Variants in SAXO1 observed in about 807,000 individuals in gnomAD.
SAXO1 encodes stabilizer of axonemal microtubules 1.
Under a neutral mutation model 17.5 loss-of-function variants are expected in SAXO1, and 21 were observed. The observed-to-expected ratio is 1.20, with a 90% CI of 0.85 to 1.72. The LOEUF (loss-of-function observed/expected upper bound fraction) is 1.72, where lower values mean the gene tolerates loss of function less well. Among genes scored for constraint, SAXO1 ranks in the 40% most tolerant of loss-of-function variants. SAXO1 has a pLI of 0.00. For missense variants in SAXO1, 843 were observed against 596.0 expected, an observed-to-expected ratio of 1.41 and a Z score of -4.32; for synonymous variants, 274 against 216.5, an observed-to-expected ratio of 1.27 and a Z score of -2.33.
intron 1 of SAXO1, among the ~76,000 whole-genome samples, chr9:18,961,504 C>G (rs1021173914): frequency 5.3e-5 from 8 of 151,004 alleles, no homozygotes; most frequent in African/African-American, 1.9e-4. Flanking sequence ...CACCCCTCAA[C>G]AGACCCCAGT....
At chr9:19,008,123 T>C (rs1834564977) in intron 1 of SAXO1, among the ~76,000 whole-genome samples, 1 of 151,954 alleles carries the variant, frequency 6.6e-6, no homozygotes. Context: ...TACAGGTGCA[T>C]GCCATCACAC....
chr9:18,956,719 G>C (rs1832271994), intron 1 of SAXO1, among the ~76,000 whole-genome samples: 2 of 152,176 alleles, frequency 1.3e-5, no homozygotes, highest in Admixed American at 6.5e-5. Flanking sequence ...AATTAAATCA[G>C]GTACTGGAAT....
At chr9:18,973,700 T>G (rs1469822278) in intron 1 of SAXO1, among the ~76,000 whole-genome samples, 2 of 152,168 alleles carry the variant, frequency 1.3e-5, no homozygotes, top group African/African-American at 4.8e-5. Flanking sequence ...CTGATCCCTT[T>G]CCTCTGCAGA....
At chr9:18,997,020 C>A (rs533078517) in intron 1 of SAXO1, among the ~76,000 whole-genome samples, 4 of 152,248 alleles carry the variant, frequency 2.6e-5, no homozygotes, top group African/African-American at 9.6e-5. Context: ...CAGCTCCCAG[C>A]GAGACTGACG....
chr9:18,935,936 G>C (rs890249289), intron 3 of SAXO1, among the ~76,000 whole-genome samples: 5 of 152,138 alleles, frequency 3.3e-5, no homozygotes, highest in African/African-American at 1.2e-4. Context: ...GGTGGGGATG[G>C]GGTGATGGAA....
intron 1 of SAXO1, among the ~76,000 whole-genome samples, chr9:18,952,410 C>T (rs145658323): frequency 3.3e-5 from 5 of 152,300 alleles, no homozygotes; most frequent in African/African-American, 1.2e-4. Context: ...AGCTATTTTC[C>T]AGGCAACAGC....
intron 1 of SAXO1, among the ~76,000 whole-genome samples, chr9:18,960,477 CCT>C (rs1186680161): frequency 1.3e-5 from 2 of 152,122 alleles, no homozygotes; most frequent in Non-Finnish European, 2.9e-5. Flanking sequence ...TCCTGGACCC[CCT>C]GTCAGGTCCA....
chr9:19,023,536 G>A (rs1474386818), intron 1 of SAXO1, among the ~76,000 whole-genome samples: 1 of 152,096 alleles, frequency 6.6e-6, no homozygotes, highest in African/African-American at 2.4e-5. Flanking sequence ...AGAAAGGCTG[G>A]GATTTGAACC....
At chr9:18,940,447 A>G (rs947541544) in intron 3 of SAXO1, among the ~76,000 whole-genome samples, 14 of 152,236 alleles carry the variant, frequency 9.2e-5, no homozygotes, top group African/African-American at 2.9e-4. Context: ...TTCCTGGAAG[A>G]ATCAGAGAAA....
intron 1 of SAXO1, among the ~76,000 whole-genome samples, chr9:18,957,792 A>G (rs974768876): frequency 6.6e-6 from 1 of 152,188 alleles, no homozygotes; most frequent in Non-Finnish European, 1.5e-5. Context: ...AACAACCCCC[A>G]CAACCCAACT....
chr9:18,971,431 T>TC (rs148074652), intron 1 of SAXO1, among the ~76,000 whole-genome samples: 5,510 of 152,092 alleles, frequency 0.036, 326 homozygotes, highest in African/African-American at 0.12. Context: ...AGGAGCCAAA[T>TC]CCCCTATAAT....
At chr9:19,003,859 A>G (rs1005747836) in intron 1 of SAXO1, among the ~76,000 whole-genome samples, 30 of 152,366 alleles carry the variant, frequency 2.0e-4, no homozygotes, top group Non-Finnish European at 4.1e-4. Flanking sequence ...CTAAAACACC[A>G]AAAGCAATGG....
At chr9:18,993,133 G>C (rs1051114092) in intron 1 of SAXO1, among the ~76,000 whole-genome samples, 2 of 151,488 alleles carry the variant, frequency 1.3e-5, no homozygotes, top group African/African-American at 2.4e-5. Context: ...TTTAAGTTCT[G>C]GGATATATGT....
At chr9:19,039,553 G>C (rs1055507341) in intron 1 of SAXO1, among the ~76,000 whole-genome samples, 2 of 152,190 alleles carry the variant, frequency 1.3e-5, no homozygotes, top group East Asian at 3.8e-4. Context: ...CATGCTTAGA[G>C]AACTGATTTC....
intron 2 of SAXO1, among the ~76,000 whole-genome samples, chr9:18,945,212 C>T (rs894615584): frequency 9.2e-5 from 14 of 152,132 alleles, no homozygotes; most frequent in African/African-American, 3.4e-4. Context: ...CCTCATGTCC[C>T]ACCCATCAGA....
intron 1 of SAXO1, among the ~76,000 whole-genome samples, chr9:19,038,527 T>C (rs978310323): frequency 1.4e-5 from 2 of 145,764 alleles, no homozygotes; most frequent in Non-Finnish European, 3.0e-5. Context: ...AAACACCGCA[T>C]GTTCTCACTC....
chr9:19,003,654 T>G (rs1034857529), intron 1 of SAXO1, among the ~76,000 whole-genome samples: 3 of 152,202 alleles, frequency 2.0e-5, no homozygotes, highest in African/African-American at 7.2e-5. Context: ...AAAGATTCCC[T>G]ATTTAATAAA....
intron 2 of SAXO1, among the ~76,000 whole-genome samples, chr9:18,944,027 G>C (rs1259155343): frequency 6.6e-6 from 1 of 152,206 alleles, no homozygotes; most frequent in Non-Finnish European, 1.5e-5. Context: ...GCTTCTACCG[G>C]AAAAGAGCAG....
At chr9:18,995,320 T>C (rs568115842) in intron 1 of SAXO1, among the ~76,000 whole-genome samples, 41 of 152,218 alleles carry the variant, frequency 2.7e-4, no homozygotes, top group Middle Eastern at 3.2e-3. Flanking sequence ...CATCAGCCAG[T>C]CTCACTTGTG....
Sources: allele counts gnomAD v4.1 joint callset (sites outside exome capture counted in the v4.1 genomes callset), GRCh38; gene constraint gnomAD v4.1.1; transcripts MANE v1.5; gene names NCBI Gene and HGNC (gene_info 2026-07-23, HGNC 2026-07-21).